PDE4D: variants seen among roughly 807,000 people sequenced by gnomAD.
PDE4D encodes the protein 3',5'-cyclic-AMP phosphodiesterase 4D.
PDE4D carries 24 observed loss-of-function variants against 87.4 expected under a neutral mutation model. The observed-to-expected ratio is 0.27, with a 90% CI of 0.20 to 0.39. PDE4D has a LOEUF of 0.39. PDE4D is among the 10% of genes least tolerant of loss of function. The pLI, the probability that PDE4D is intolerant of heterozygous loss-of-function variation, is 1.00. For synonymous variants in PDE4D, 384 were observed against 383.2 expected, an observed-to-expected ratio of 1.00 and a Z score of -0.02; for missense variants, 714 against 1,041.0, an observed-to-expected ratio of 0.69 and a Z score of 4.32.
At chr5:60,255,264 T>C (rs1465322429) in intron 1 of PDE4D, among the ~76,000 whole-genome samples, 1 of 151,888 alleles carries the variant, frequency 6.6e-6, no homozygotes, top group East Asian at 1.9e-4. Flanking sequence ...TGTGGGAGAC[T>C]ACCTATGATC....
chr5:58,994,354 G>T (rs1044583886), intron 6 of PDE4D, among the ~76,000 whole-genome samples: 2 of 152,070 alleles, frequency 1.3e-5, no homozygotes, highest in African/African-American at 4.8e-5. Flanking sequence ...ACCCCCATCA[G>T]CTGTTTCTTA....
intron 1 of PDE4D, among the ~76,000 whole-genome samples, chr5:59,781,615 A>G (rs113659452): frequency 0.13 from 19,578 of 151,494 alleles, 4,112 homozygotes; most frequent in African/African-American, 0.44. Context: ...ATGAAACCTC[A>G]TCTCTACTAA....
intron 5 of PDE4D, among the ~76,000 whole-genome samples, chr5:59,116,471 G>C (rs1209218363): frequency 1.3e-5 from 2 of 152,088 alleles, no homozygotes; most frequent in African/African-American, 4.8e-5. Context: ...TGAGCATCGA[G>C]GTACACGTAT....
intron 1 of PDE4D, among the ~76,000 whole-genome samples, chr5:59,397,629 G>A (rs1351228139): frequency 1.7e-5 from 2 of 114,886 alleles, no homozygotes; most frequent in Non-Finnish European, 1.8e-5. Context: ...GAGAAAGCAG[G>A]AAAGATCCAA....
At chr5:59,784,363 T>C (rs1242635623) in intron 1 of PDE4D, among the ~76,000 whole-genome samples, 1 of 151,976 alleles carries the variant, frequency 6.6e-6, no homozygotes, top group African/African-American at 2.4e-5. Flanking sequence ...ATATTCTAAA[T>C]AGGCAGAATG....
At chr5:59,080,938 C>T (rs991210792) in intron 5 of PDE4D, among the ~76,000 whole-genome samples, 6 of 152,226 alleles carry the variant, frequency 3.9e-5, no homozygotes, top group East Asian at 3.9e-4. Context: ...GATTATCAGC[C>T]ATTGTGGAGG....
Position 59,038,952 on chromosome 5 carries a change from C to T in PDE4D, c.828G>A (p.Leu276=). The T allele has an allele frequency of 1.9e-6, 3 of 1,593,412 alleles. No homozygotes were observed. The highest frequency in any genetic ancestry group is 2.6e-6 in the Non-Finnish European group (3 of 1,169,212). The part of the protein sequence containing the change: ...ATITEEAYQK[L]ASETLEELDW... ...CCAGCTCCTCCAGGGTCTCGCTGGCCAGTTTCTGGTAGGCCTCCTCTGCGA... is the reference window on the plus strand; with the variant it reads ...CCAGCTCCTCCAGGGTCTCGCTGGCTAGTTTCTGGTAGGCCTCCTCTGCGA... The change falls in exon 6 of 15, where the codon CTG becomes CTA. Residue 276 remains leucine, a synonymous_variant. Coordinates refer to ENST00000340635, the MANE Select transcript of PDE4D (RefSeq NM_001104631.2).
intron 5 of PDE4D, chr5:59,063,200 C>G (rs1763409716): frequency 6.6e-6 from 1 of 152,190 alleles, no homozygotes; most frequent in Admixed American, 6.5e-5. Context: ...AAGGCGACTA[C>G]TCTAGACTGG....
In PDE4D at chr5:59,855,430, C is replaced by T. The variant is rs1442581148; in HGVS notation, c.455+37738G>A. On this transcript the variant is annotated intron_variant, in intron 1 of 14. Coordinates refer to ENST00000340635, the MANE Select transcript of PDE4D (RefSeq NM_001104631.2). ...GATGAAAAGAAATTTAGAAGGAAAA[C>T]CTCAAGAGTGTATGTCACAAAAATG... 2.0e-5 allele frequency among the ~76,000 whole-genome samples: 3 copies of T among 152,056 alleles called. No individual in the cohort carries two copies. The East Asian group carries it at 5.8e-4, about 29-fold the overall frequency.
intron 1 of PDE4D, among the ~76,000 whole-genome samples, chr5:59,239,049 G>A (rs1314922721): frequency 6.6e-6 from 1 of 152,174 alleles, no homozygotes; most frequent in Non-Finnish European, 1.5e-5. Context: ...AGCAAACATG[G>A]GAGAGGGATG....
At chr5:60,342,548 C>T (rs911940338) in intron 1 of PDE4D, among the ~76,000 whole-genome samples, 9 of 152,166 alleles carry the variant, frequency 5.9e-5, no homozygotes, top group Admixed American at 5.9e-4. Context: ...AGCTCAAAAA[C>T]TCTTAGCCAT....
chr5:59,000,324 G>A (rs780334502), intron 6 of PDE4D, among the ~76,000 whole-genome samples: 9 of 152,222 alleles, frequency 5.9e-5, no homozygotes, highest in South Asian at 2.1e-4. Flanking sequence ...AATGGCAATC[G>A]AGCATTTTAA....
At chr5:60,238,758 G>T (rs1157168050) in intron 1 of PDE4D, among the ~76,000 whole-genome samples, 3 of 151,508 alleles carry the variant, frequency 2.0e-5, no homozygotes. Flanking sequence ...ATTTTTGTTG[G>T]TTGTATATAC....
rs1273092880 is a variant in PDE4D, at chr5:60,177,040, TA to T, written c.42+8516del. Among the ~76,000 whole-genome samples the T allele has an allele frequency of 3.3e-5, 5 of 152,248 alleles. No individual in the cohort carries two copies. In the East Asian group the frequency reaches 9.6e-4, roughly 29 times the overall value. The stretch of plus-strand genomic sequence containing the variant: ...TTTGTCCTGTAATGCCAGAAATGAT[TA>T]TTTTTTTATATTCAGTCCTATAGTT... On this transcript the variant is annotated intron_variant, in intron 2 of 16. Transcript: ENST00000502484.
intron 6 of PDE4D, among the ~76,000 whole-genome samples, chr5:59,011,825 G>A (rs895125869): frequency 6.6e-6 from 1 of 152,114 alleles, no homozygotes; most frequent in Non-Finnish European, 1.5e-5. Flanking sequence ...TACTCCTCAA[G>A]AAGAGCAACT....
chr5:59,479,976 C>G (rs1230120738), intron 1 of PDE4D, among the ~76,000 whole-genome samples: 1 of 151,472 alleles, frequency 6.6e-6, no homozygotes, highest in Non-Finnish European at 1.5e-5. Flanking sequence ...ATTTCTATGC[C>G]AAGCATTTTT....
At chr5:59,607,050 A>G (rs1228097412) in intron 1 of PDE4D, among the ~76,000 whole-genome samples, 1 of 152,046 alleles carries the variant, frequency 6.6e-6, no homozygotes, top group African/African-American at 2.4e-5. Flanking sequence ...AGATGCCAAG[A>G]GGCTATTTAG....
chr5:58,989,959 G>A lies in PDE4D; in HGVS notation c.1288-40C>T, dbSNP rs748558885. The A allele has an allele frequency of 6.2e-6, 8 of 1,291,098 alleles. No individual in the cohort carries two copies. The African/African-American group carries it at 1.1e-4, about 18-fold the overall frequency. The allele number at this position is 1,291,098 out of a possible 1,614,324, so 80.0% of individuals were successfully genotyped here. ...ATCATCTTAACATTTTTGTCTTTAT[G>A]TGAAAAATTTCTCCATAGAGTATGT... On this transcript the variant is annotated intron_variant, in intron 9 of 14. Coordinates refer to ENST00000340635, the MANE Select transcript of PDE4D (RefSeq NM_001104631.2).
At chr5:59,832,739 G>T (rs1467696701) in intron 1 of PDE4D, among the ~76,000 whole-genome samples, 1 of 151,996 alleles carries the variant, frequency 6.6e-6, no homozygotes, top group Non-Finnish European at 1.5e-5. Flanking sequence ...AAGAAATATG[G>T]ATTGGCTATC....
Sources: gnomAD v4.1 joint callset for allele counts (sites outside exome capture counted in the v4.1 genomes callset) on GRCh38, gnomAD v4.1.1 for gene constraint, MANE v1.5 for transcripts, NCBI Gene and HGNC (gene_info 2026-07-23, HGNC 2026-07-21) for gene names.